Variants in INTS10 observed in about 807,000 individuals in gnomAD.
INTS10 encodes the protein chromosome 8 open reading frame 35.
In INTS10, 44 loss-of-function variants were observed where a neutral mutation model predicts 94.4. That is an observed-to-expected ratio of 0.47 (90% CI 0.37 to 0.60). The LOEUF (loss-of-function observed/expected upper bound fraction) is 0.60, where lower values mean the gene tolerates loss of function less well. INTS10 is among the 20% of genes least tolerant of loss of function. The probability of loss-of-function intolerance (pLI) is 0.00; values close to 1 mark genes in which losing one functional copy is unlikely to be tolerated. For missense variants in INTS10, 797 were observed against 868.7 expected, an observed-to-expected ratio of 0.92 and a Z score of 1.04; for synonymous variants, 341 against 320.7, an observed-to-expected ratio of 1.06 and a Z score of -0.68.
Position 19,849,857 on chromosome 8 carries a change from A to C in INTS10, c.1977-1792A>C, listed in dbSNP as rs2068878630. On this transcript the variant is annotated intron_variant, in intron 16 of 16. Transcript: ENST00000397977. This position sits in a 1 kb window ranked among gnomAD's most constrained non-coding sequence, Gnocchi z 4.6. ...AACTTACCAAAGTGATAGTGCTTCTAATAGAAATATAATTGAATTGTGCCA... is the reference window on the plus strand; with the variant it reads ...AACTTACCAAAGTGATAGTGCTTCTCATAGAAATATAATTGAATTGTGCCA... Among the ~76,000 whole-genome samples, 1 of 152,208 alleles carries C rather than the reference A, an allele frequency of 6.6e-6. No homozygotes were observed. The highest frequency in any genetic ancestry group is 6.5e-5 in the Admixed American group (1 of 15,280).
At chr8:19,817,696 C>T (rs1332420908) in intron 1 of INTS10, 30 bp downstream of exon 1, 26 of 1,591,678 alleles carry the variant, frequency 1.6e-5, no homozygotes, top group Non-Finnish European at 2.1e-5. Context: ...TGCGGCCGCT[C>T]TGCGTGGAGG....
At position 19,851,612 on chromosome 8, in the gene INTS10, C is replaced by T. The variant is rs369254274; in HGVS notation, c.1977-37C>T. ...AGCGATCAGCGATGCTGGTGCTAAC[C>T]CCTGGTCTTTGTCTGTTTCCCTATT... On this transcript the variant is annotated intron_variant, in intron 16 of 16. Transcript: ENST00000397977. This position sits in a 1 kb window ranked among gnomAD's most constrained non-coding sequence, Gnocchi z 5.0. 3.4e-5 allele frequency: 54 copies of T among 1,608,930 alleles called. No homozygotes were observed. The highest frequency in any genetic ancestry group is 4.3e-5 in the Non-Finnish European group (51 of 1,175,692).
rs145827185 is a variant in INTS10, at chr8:19,846,538, A to G, written c.1976+741A>G. ...CAGACTTTTTATTTATAAACTACCT[A>G]TGAAGCCCTCCTATGCAGTCCTCAT... On this transcript the variant is annotated intron_variant, in intron 16 of 16. Transcript: ENST00000397977. This position sits in a 1 kb window ranked among gnomAD's most constrained non-coding sequence, Gnocchi z 4.2. 3.5e-4 allele frequency among the ~76,000 whole-genome samples: 54 copies of G among 152,184 alleles called. No individual in the cohort carries two copies. Among genetic ancestry groups the G allele is most frequent in the Non-Finnish European group, 7.1e-4 (48 of 68,034 alleles).
rs1390894566 is a variant in INTS10 at position 19,817,765 on chromosome 8, C to G, written c.129+99C>G. On this transcript the variant is annotated intron_variant, in intron 1 of 16. Transcript: ENST00000397977. ...AGAGCTGCGCCTGCCTGGGGGCTGC[C>G]GCCTCCTGCCCGGCCCCCTGCTTTC... is the stretch of plus-strand genomic sequence containing the variant. 5 of 1,441,672 alleles carry G rather than the reference C, an allele frequency of 3.5e-6. No homozygotes were observed. The Admixed American group carries it at 8.7e-5, about 25-fold the overall frequency. 89.3% of individuals were successfully genotyped at this position (1,441,672 alleles called of 1,614,324 possible).
intron 5 of INTS10, 133 bp from the exon 6 acceptor site, chr8:19,823,168 A>T: frequency 1.5e-6 from 1 of 663,078 alleles, no homozygotes; most frequent in East Asian, 2.7e-5. Context: ...TTTTGAATAC[A>T]TGAGTCATAA....
chr8:19,819,597 G>A lies in INTS10; in HGVS notation c.222G>A (p.Pro74=), dbSNP rs769201154. Residue 74 remains proline, a synonymous_variant, in exon 3 of 17, where the codon CCG becomes CCA. Transcript: ENST00000397977. ...GGTTTGTGAATTTCCCAGACCAGCCGGTGGTGTGGAGAGAAATCAGCATTA... is the reference window on the plus strand; with the variant it reads ...GGTTTGTGAATTTCCCAGACCAGCCAGTGGTGTGGAGAGAAATCAGCATTA... ...YDMFVNFPDQ[P]VVWREISIIT... is the part of the protein sequence containing the mutation. 8.7e-6 allele frequency: 14 copies of A among 1,612,502 alleles called. No individual in the cohort carries two copies. The highest frequency in any genetic ancestry group is 1.7e-4 in the Middle Eastern group (1 of 6,052).
At chr8:19,818,461 T>C in intron 2 of INTS10, 119 bp downstream of exon 2, 2 of 998,732 alleles carry the variant, frequency 2.0e-6, no homozygotes, top group Non-Finnish European at 1.6e-6. Flanking sequence ...CTTCGATACC[T>C]AAAGCAAACC....
At chr8:19,832,310 G>A (rs4615593) in intron 11 of INTS10, among the ~76,000 whole-genome samples, 200 bp downstream of exon 11, 94,968 of 151,920 alleles carry the variant, frequency 0.63, 29,816 homozygotes, top group South Asian at 0.65. Context: ...CGTGGCTTAC[G>A]CCTGTAATCC....
Position 19,826,555 on chromosome 8 carries a change from C to T in INTS10, c.1136C>T (p.Thr379Ile), listed in dbSNP as rs762371600. The T allele has an allele frequency of 6.2e-7, 1 of 1,610,476 alleles. No homozygotes were observed. The highest frequency in any genetic ancestry group is 1.1e-5 in the South Asian group (1 of 90,284). ...AAACTAGCTGAAGGAAGAGAAAAAA[C>T]CATGGTAAGGCTTTCAAATATACTT... The part of the protein sequence containing the change: ...KRKLAEGREK[T>I]MSSDDEDCSA... Residue 379 changes from threonine to isoleucine, a missense_variant, in exon 9 of 17, where the codon ACC becomes ATC. By Grantham distance (89) the Thr-to-Ile change is moderately conservative. Transcript: ENST00000397977.
At chr8:19,830,116 A>G (rs2067116183) in intron 9 of INTS10, among the ~76,000 whole-genome samples, 4 of 152,216 alleles carry the variant, frequency 2.6e-5, no homozygotes, top group Admixed American at 2.6e-4. Flanking sequence ...GACTTTCATA[A>G]AATTGATATT....
rs114947904 is a variant in INTS10 at position 19,846,142 on chromosome 8, C to T, written c.1976+345C>T. Among the ~76,000 whole-genome samples the T allele has an allele frequency of 0.016, 2,391 of 152,074 alleles. 69 individuals are homozygous for T. Among genetic ancestry groups the T allele is most frequent in the African/African-American group, 0.054 (2,248 of 41,462 alleles). ...CCTTTAATTAAGAACAGTTGTGTGG[C>T]CAGGCATGGTGGCTCACGCCTGTAA... is the stretch of plus-strand genomic sequence containing the variant. On this transcript the variant is annotated intron_variant, in intron 16 of 16. Coordinates refer to ENST00000397977, the MANE Select transcript of INTS10 (RefSeq NM_018142.4). This position sits in a 1 kb window ranked among gnomAD's most constrained non-coding sequence, Gnocchi z 4.2.
chr8:19,818,965 T>C (rs1331665749), intron 2 of INTS10: 1 of 152,408 alleles, frequency 6.6e-6, no homozygotes, highest in Non-Finnish European at 1.5e-5. Context: ...ATTTTGGTGT[T>C]TTTCTGTGGA....
intron 14 of INTS10, 59 bp from the exon 15 acceptor site, chr8:19,844,017 T>C: frequency 1.4e-6 from 2 of 1,393,944 alleles, no homozygotes; most frequent in Non-Finnish European, 2.0e-6. Context: ...GTTTGCTGTA[T>C]TTCAGATTAC....
At chr8:19,840,159 A>G (rs1419002783) in intron 13 of INTS10, among the ~76,000 whole-genome samples, 2 of 152,044 alleles carry the variant, frequency 1.3e-5, no homozygotes, top group Non-Finnish European at 1.5e-5. Flanking sequence ...TTAGAAAATG[A>G]ATTTTTTAAG....
At chr8:19,833,894 C>T (rs1313238685) in intron 12 of INTS10, among the ~76,000 whole-genome samples, 1 of 151,792 alleles carries the variant, frequency 6.6e-6, no homozygotes, top group Non-Finnish European at 1.5e-5. Flanking sequence ...GTAATCCCAA[C>T]TACTTGGGAG....
chr8:19,838,217 G>A (rs547176307), intron 13 of INTS10, among the ~76,000 whole-genome samples: 2 of 152,186 alleles, frequency 1.3e-5, no homozygotes, highest in Non-Finnish European at 1.5e-5. Context: ...TTACCCGGGT[G>A]TGGTGGTACA....
intron 7 of INTS10, 110 bp from the exon 8 acceptor site, chr8:19,824,693 G>T: frequency 1.5e-6 from 1 of 673,330 alleles, no homozygotes; most frequent in South Asian, 2.1e-5. Context: ...AGTTTTACAT[G>T]CCTAGGGCAA....
rs2067273922 is a variant in INTS10 at position 19,832,106 on chromosome 8, A to G, written c.1373A>G (p.Tyr458Cys). Residue 458 changes from tyrosine (Y) to cysteine (C), a missense_variant, in exon 11 of 17, where the codon TAT becomes TGT. This residue lies in a region of INTS10 where 734 missense variants were observed against 787.8 expected (regional missense o/e 0.93). Coordinates refer to ENST00000397977, the MANE Select transcript of INTS10 (RefSeq NM_018142.4). ...ATCTTCCTCACTGATATGATCATCTATCAGGTAGAGTATTATACATATTTT... is the reference window on the plus strand; with the variant it reads ...ATCTTCCTCACTGATATGATCATCTGTCAGGTAGAGTATTATACATATTTT... ...LRIFLTDMII[Y>C]QGQYKKAIAS... 4.5e-6 allele frequency: 7 copies of G among 1,550,642 alleles called. No individual in the cohort carries two copies. Among genetic ancestry groups the G allele is most frequent in the East Asian group, 4.5e-5 (2 of 44,580 alleles).
chr8:19,827,365 G>C (rs1296521045), intron 9 of INTS10, among the ~76,000 whole-genome samples: 1 of 152,126 alleles, frequency 6.6e-6, no homozygotes, highest in Non-Finnish European at 1.5e-5. Context: ...GTAGCTGTCT[G>C]GTTCTCTCTT....
Sources: gnomAD v4.1 joint callset for allele counts (sites outside exome capture counted in the v4.1 genomes callset) on GRCh38, gnomAD v4.1.1 for gene constraint, gnomAD v4.1.1 regional missense constraint, Gnocchi (gnomAD v3.1) non-coding constraint, MANE v1.5 for transcripts, NCBI Gene and HGNC (gene_info 2026-07-23, HGNC 2026-07-21) for gene names.